Variants in NFXL1 observed in about 807,000 individuals in gnomAD.
The protein encoded by NFXL1 is nuclear transcription factor, X-box binding like 1.
A neutral mutation model predicts 123.3 loss-of-function variants in NFXL1; 66 were observed. That is an observed-to-expected ratio of 0.54 (90% CI 0.44 to 0.66). The LOEUF is 0.66. Among genes scored for constraint, NFXL1 ranks in the 30% least tolerant of loss-of-function variants. NFXL1 has a pLI of 0.00. For synonymous variants in NFXL1, 346 were observed against 360.8 expected, an observed-to-expected ratio of 0.96 and a Z score of 0.46; for missense variants, 944 against 1,125.6, an observed-to-expected ratio of 0.84 and a Z score of 2.31.
At chr4:47,852,917 T>G (rs181503300) in intron 20 of NFXL1, among the ~76,000 whole-genome samples, 2 of 152,102 alleles carry the variant, frequency 1.3e-5, no homozygotes, top group Admixed American at 1.3e-4. Context: ...CTGAGTAAAG[T>G]GCATTTAGTA....
intron 22 of NFXL1, among the ~76,000 whole-genome samples, chr4:47,848,892 A>AAAAT (rs1255349085): frequency 7.8e-4 from 119 of 152,212 alleles, no homozygotes; most frequent in African/African-American, 2.4e-3. Flanking sequence ...CCATCTCAAA[A>AAAAT]AAATAAATAA....
At chr4:47,850,135 G>A (rs1315757364) in intron 22 of NFXL1, among the ~76,000 whole-genome samples, 2 of 151,952 alleles carry the variant, frequency 1.3e-5, no homozygotes, top group Non-Finnish European at 2.9e-5. Flanking sequence ...GGAATAAGGA[G>A]AAAACATACT....
chr4:47,865,581 T>G (rs80230953), intron 18 of NFXL1, among the ~76,000 whole-genome samples: 4,263 of 150,022 alleles, frequency 0.028, 219 homozygotes, highest in African/African-American at 0.099. Flanking sequence ...AAAAACTAAA[T>G]GAAAAACAGA....
intron 4 of NFXL1, among the ~76,000 whole-genome samples, chr4:47,903,706 T>C (rs1737445337): frequency 6.6e-6 from 1 of 152,134 alleles, no homozygotes; most frequent in Non-Finnish European, 1.5e-5. Context: ...CATGTAGACT[T>C]ACGTACTTAA....
chr4:47,895,412 A>G (rs1737026989), intron 10 of NFXL1, among the ~76,000 whole-genome samples: 2 of 152,212 alleles, frequency 1.3e-5, no homozygotes, highest in Non-Finnish European at 2.9e-5. Context: ...CTCAGTTGAA[A>G]ATCTTTTGTT....
At chr4:47,874,701 C>T (rs1735639571) in intron 18 of NFXL1, among the ~76,000 whole-genome samples, 3 of 70,234 alleles carry the variant, frequency 4.3e-5, no homozygotes, top group African/African-American at 1.3e-4. Flanking sequence ...TTGCTCAATG[C>T]AGGTTGACAA....
In NFXL1 at chr4:47,905,246, T is replaced by C; in HGVS notation, c.507A>G (p.Arg169=). The C allele has an allele frequency of 1.3e-6, 2 of 1,491,102 alleles. No individual in the cohort carries two copies. The highest frequency in any genetic ancestry group is 2.3e-5 in the South Asian group (2 of 85,648). The allele number at this position is 1,491,102 out of a possible 1,614,324, so 92.4% of individuals were successfully genotyped here. The part of the protein sequence containing the change: ...TCLICIASVK[R]NQAVWSCSGC... The stretch of plus-strand genomic sequence containing the variant: ...AAGGAGAAAAACTTACTGCTTGGTT[T>C]CTCTTCACCGAAGCAATACAAATTA... Residue 169 remains arginine (R), a synonymous_variant, in exon 4 of 23, where the codon AGA becomes AGG. Coordinates refer to ENST00000507489, the MANE Select transcript of NFXL1 (RefSeq NM_001278624.2).
At chr4:47,855,255 C>T (rs746750541) in intron 19 of NFXL1, 92 bp from the exon 20 acceptor site, 1 of 656,448 alleles carries the variant, frequency 1.5e-6, no homozygotes, top group South Asian at 2.0e-5. Context: ...GAGAGTCCAT[C>T]ACACAAAGGG....
At chr4:47,890,933 A>G (rs1736730248) in intron 11 of NFXL1, among the ~76,000 whole-genome samples, 1 of 152,200 alleles carries the variant, frequency 6.6e-6, no homozygotes, top group South Asian at 2.1e-4. Context: ...TAATTATTCT[A>G]TGATTCAAAA....
rs940498793 is a variant in NFXL1 at position 47,914,218 on chromosome 4, A to G, written c.-2-13T>C. The G allele has an allele frequency of 2.0e-5, 23 of 1,142,512 alleles. No homozygotes were observed. In the East Asian group the frequency reaches 3.1e-4, roughly 15 times the overall value. 70.8% of individuals were successfully genotyped at this position (1,142,512 alleles called of 1,614,324 possible). A position where few individuals can be genotyped will look rare whatever the true frequency, so the allele number is the denominator to read the frequency against. ...GAAGCTTCCATCCCTGCAAAGGAGA[A>G]AAAAAAAAAAAAGAGTGGAAGGAGG... On this transcript the variant is annotated splice_polypyrimidine_tract_variant and intron_variant, in intron 1 of 22. Transcript: ENST00000507489.
At chr4:47,856,022 C>T (rs934257404) in intron 19 of NFXL1, among the ~76,000 whole-genome samples, 1 of 152,116 alleles carries the variant, frequency 6.6e-6, no homozygotes, top group African/African-American at 2.4e-5. Flanking sequence ...TGTAACATTG[C>T]TTGTGGTGTC....
chr4:47,880,671 T>C (rs1736040122), intron 15 of NFXL1, among the ~76,000 whole-genome samples: 1 of 151,766 alleles, frequency 6.6e-6, no homozygotes, highest in Non-Finnish European at 1.5e-5. Flanking sequence ...ATATAATTCT[T>C]GCATTATTTC....
chr4:47,887,234 A>G lies in NFXL1; in HGVS notation c.1544-1235T>C, dbSNP rs548073482. Among the ~76,000 whole-genome samples, 68 of 152,344 alleles carry G rather than the reference A, an allele frequency of 4.5e-4. 2 individuals are homozygous for G. In the South Asian group the frequency reaches 0.014, roughly 31 times the overall value. ...TCAGAAATGAAATAATAAAGGAAGA[A>G]GAGTTTTCAATGAAGAAATGAATAT... is the stretch of plus-strand genomic sequence containing the variant. On this transcript the variant is annotated intron_variant, in intron 12 of 22. Transcript: ENST00000507489.
chr4:47,882,471 A>C (rs751604766), intron 15 of NFXL1: 6 of 152,238 alleles, frequency 3.9e-5, no homozygotes, highest in Non-Finnish European at 5.9e-5. Flanking sequence ...ACTGAGGATA[A>C]CAAAATGGAA....
At chr4:47,860,678 T>C (rs529321951) in intron 19 of NFXL1, among the ~76,000 whole-genome samples, 1 of 152,330 alleles carries the variant, frequency 6.6e-6, no homozygotes, top group South Asian at 2.1e-4. Flanking sequence ...CAGAATCCCA[T>C]ACCTTAACTT....
Position 47,914,005 on chromosome 4 carries a change from C to T in NFXL1, c.199G>A (p.Ala67Thr). The T allele has an allele frequency of 6.5e-7, 1 of 1,548,108 alleles. No individual in the cohort carries two copies. The highest frequency in any genetic ancestry group is 8.7e-7 in the Non-Finnish European group (1 of 1,146,758). The change falls in exon 2 of 23, where the codon GCA becomes ACA. Residue 67 changes from alanine to threonine, a missense_variant. Transcript: ENST00000507489. Reference sequence around the variant, plus strand: ...GTAGTCTGCAGGGCTTGGGATCCTGCGGGGCTGTGCCTGCTCCCTGCAGCC... The same window carrying T: ...GTAGTCTGCAGGGCTTGGGATCCTGTGGGGCTGTGCCTGCTCCCTGCAGCC... ...TAAAGSRHSP[A>T]GSQALQTTAA...
At chr4:47,852,210 T>C (rs971124424) in intron 20 of NFXL1, 15 of 344,958 alleles carry the variant, frequency 4.3e-5, no homozygotes, top group African/African-American at 2.4e-4. Flanking sequence ...TTAGCTCCCA[T>C]GTTGTTTTTA....
intron 18 of NFXL1, among the ~76,000 whole-genome samples, chr4:47,866,792 T>C (rs1000088810): frequency 1.3e-5 from 2 of 152,230 alleles, no homozygotes; most frequent in Non-Finnish European, 2.9e-5. Flanking sequence ...AAATGGTTTA[T>C]GCTGAACAGT....
In NFXL1 at chr4:47,855,831, C is replaced by T. The variant is rs1709224563; in HGVS notation, c.2317-668G>A. Among the ~76,000 whole-genome samples the T allele has an allele frequency of 3.3e-5, 5 of 152,206 alleles. No individual in the cohort carries two copies. The Middle Eastern group carries it at 0.014, about 414-fold the overall frequency. ...TTGCCATGATGTTTATGCTCCGTGT[C>T]TTTAATTGTTTACTGTCTTCCTATC... On this transcript the variant is annotated intron_variant, in intron 19 of 22. Transcript: ENST00000507489.
Sources: allele counts gnomAD v4.1 joint callset (sites outside exome capture counted in the v4.1 genomes callset), GRCh38; gene constraint gnomAD v4.1.1; transcripts MANE v1.5; gene names NCBI Gene and HGNC (gene_info 2026-07-23, HGNC 2026-07-21).